The following CUL3 variants were observed in gnomAD, a reference collection of about 807,000 sequenced individuals.
CUL3 encodes the protein cullin-3.
In CUL3, 19 loss-of-function variants were observed where a neutral mutation model predicts 89.1. That is an observed-to-expected ratio of 0.21 (90% CI 0.15 to 0.31). The LOEUF is 0.31. CUL3 is among the 10% of genes least tolerant of loss of function. The pLI is 1.00. For synonymous variants in CUL3, 351 were observed against 308.4 expected, an observed-to-expected ratio of 1.14 and a Z score of -1.45; for missense variants, 469 against 942.3, an observed-to-expected ratio of 0.50 and a Z score of 6.58.
chr2:224,558,454 C>T (rs907936564), intron 1 of CUL3, among the ~76,000 whole-genome samples: 11 of 152,128 alleles, frequency 7.2e-5, no homozygotes, highest in Admixed American at 3.9e-4. Context: ...ATAAAAACAA[C>T]CCGATGAGAC....
rs2106205568 is a variant in CUL3, at chr2:224,506,853, C to T, written c.1029+5G>A. On this transcript the variant is annotated splice_donor_5th_base_variant and intron_variant, in intron 7 of 15. Transcript: ENST00000264414. ...AAACACAGAGAATCTTCTGGGTTTA[C>T]TTACCTGGATATAGTCAACAGGATT... The T allele has an allele frequency of 6.2e-7, 1 of 1,610,444 alleles. No individual in the cohort carries two copies. Among genetic ancestry groups the T allele is most frequent in the Non-Finnish European group, 8.5e-7 (1 of 1,178,842 alleles).
intron 2 of CUL3, among the ~76,000 whole-genome samples, chr2:224,550,025 A>C (rs572105050): frequency 5.3e-5 from 8 of 152,140 alleles, no homozygotes; most frequent in Non-Finnish European, 1.2e-4. Flanking sequence ...TCCTCAATGT[A>C]TCTGAACACG....
intron 1 of CUL3, among the ~76,000 whole-genome samples, chr2:224,568,306 G>T (rs1173913007): frequency 6.6e-6 from 1 of 152,156 alleles, no homozygotes; most frequent in Non-Finnish European, 1.5e-5. Context: ...ATAACTACTA[G>T]TGACAGTTTG....
chr2:224,581,494 A>G (rs1462517973), intron 1 of CUL3, among the ~76,000 whole-genome samples: 1 of 150,642 alleles, frequency 6.6e-6, no homozygotes, highest in Admixed American at 6.6e-5. Context: ...TTAAACATAT[A>G]TAATTTTTCT....
chr2:224,556,882 A>G (rs2106302497), intron 2 of CUL3, among the ~76,000 whole-genome samples: 1 of 152,240 alleles, frequency 6.6e-6, no homozygotes, highest in Non-Finnish European at 1.5e-5. Flanking sequence ...AATGTAAACA[A>G]CTGGTGAATC....
At chr2:224,496,020 T>C (rs1692156669) in intron 12 of CUL3, 54 bp from the exon 13 acceptor site, 6 of 1,579,814 alleles carry the variant, frequency 3.8e-6, no homozygotes, top group South Asian at 1.1e-5. Context: ...CCTGGTAACA[T>C]TAATGTATGT....
chr2:224,488,832 T>A (rs957835107), intron 13 of CUL3, among the ~76,000 whole-genome samples: 1 of 152,144 alleles, frequency 6.6e-6, no homozygotes, highest in Non-Finnish European at 1.5e-5. Flanking sequence ...CAGGCCAGTA[T>A]CCCTGAGGAA....
In CUL3 at chr2:224,471,821, G is replaced by A. The variant is rs886055687; in HGVS notation, c.*2424C>T. 4.4e-6 allele frequency: 1 copy of A among 228,986 alleles called. No homozygotes were observed. Among genetic ancestry groups the A allele is most frequent in the East Asian group, 6.3e-5 (1 of 15,856 alleles). The allele number at this position is 228,986 out of a possible 1,614,324, so 14.2% of individuals were successfully genotyped here. On this transcript the variant is annotated 3_prime_UTR_variant, in exon 16 of 16. Transcript: ENST00000264414. ...ATTACACTTTAACAGTTACTGAAGAGATGACATGATTTTTGCAGTTGAAAA... is the reference window on the plus strand; with the variant it reads ...ATTACACTTTAACAGTTACTGAAGAAATGACATGATTTTTGCAGTTGAAAA...
At chr2:224,576,311 T>C (rs1305907971) in intron 1 of CUL3, among the ~76,000 whole-genome samples, 1 of 152,136 alleles carries the variant, frequency 6.6e-6, no homozygotes, top group African/African-American at 2.4e-5. Flanking sequence ...CCACAGCTAG[T>C]AAACAGAAAG....
chr2:224,470,771 T>G lies in CUL3; in HGVS notation c.*3474A>C, dbSNP rs1473879349. 1.3e-5 allele frequency: 3 copies of G among 231,690 alleles called. No homozygotes were observed. The highest frequency in any genetic ancestry group is 1.7e-5 in the Non-Finnish European group (2 of 117,166). The allele number at this position is 231,690 out of a possible 1,614,324, so 14.4% of individuals were successfully genotyped here. A position where few individuals can be genotyped will look rare whatever the true frequency, so the allele number is the denominator to read the frequency against. On this transcript the variant is annotated 3_prime_UTR_variant, in exon 16 of 16. Transcript: ENST00000264414. The stretch of plus-strand genomic sequence containing the variant: ...AAATAATGTAAAGCTAACAAAAATG[T>G]GCAAAATTCCATATTGCAATGCTTC...
chr2:224,499,869 A>C (rs1228470746), intron 11 of CUL3: 10 of 168,306 alleles, frequency 5.9e-5, no homozygotes, highest in Admixed American at 1.2e-4. Context: ...TCAGCAGCCC[A>C]AAAAAAATAT....
chr2:224,515,538 T>C (rs1460951776), intron 3 of CUL3, among the ~76,000 whole-genome samples: 1 of 152,226 alleles, frequency 6.6e-6, no homozygotes, highest in Non-Finnish European at 1.5e-5. Flanking sequence ...TTAAGTTATA[T>C]GTTTGTTCAC....
chr2:224,538,391 T>A (rs1693970376), intron 2 of CUL3, among the ~76,000 whole-genome samples: 1 of 152,168 alleles, frequency 6.6e-6, no homozygotes, highest in Admixed American at 6.6e-5. Flanking sequence ...AGTTGGCACA[T>A]AAACTACACA....
chr2:224,496,040 C>G (rs577925501), intron 12 of CUL3, 74 bp from the exon 13 acceptor site: 1 of 1,497,620 alleles, frequency 6.7e-7, no homozygotes, highest in African/African-American at 1.4e-5. Flanking sequence ...TATGTACGTA[C>G]ATATGTATGT....
chr2:224,536,993 C>G (rs1474013467), intron 2 of CUL3, among the ~76,000 whole-genome samples: 1 of 152,152 alleles, frequency 6.6e-6, no homozygotes, highest in African/African-American at 2.4e-5. Context: ...CTACACTAAA[C>G]AAAACTTTTT....
Position 224,474,358 on chromosome 2 carries a change from C to T in CUL3, c.2194G>A (p.Ala732Thr), listed in dbSNP as rs1467629256. 6.2e-7 allele frequency: 1 copy of T among 1,612,412 alleles called. No homozygotes were observed. Among genetic ancestry groups the T allele is most frequent in the South Asian group, 1.1e-5 (1 of 90,720 alleles). Residue 732 changes from alanine (A) to threonine (T), a missense_variant, in exon 16 of 16, where the codon GCG becomes ACG. By Grantham distance (58) the Ala-to-Thr change is moderately conservative. Transcript: ENST00000264414. ...LVAEVTQQLK[A>T]RFLPSPVVIK... ...ACAACTGGACTTGGTAAGAATCGCG[C>T]CTTCAACTGCTGAGTTACCTAAAAA...
At chr2:224,509,853 G>T (rs1692748975) in intron 6 of CUL3, among the ~76,000 whole-genome samples, 1 of 152,198 alleles carries the variant, frequency 6.6e-6, no homozygotes, top group Non-Finnish European at 1.5e-5. Context: ...TTTGCATAAA[G>T]TCCCAGTCTA....
intron 2 of CUL3, among the ~76,000 whole-genome samples, chr2:224,543,715 C>T (rs577175157): frequency 2.0e-5 from 3 of 152,286 alleles, no homozygotes; most frequent in Non-Finnish European, 2.9e-5. Context: ...GGTGTGGCGG[C>T]TCAATGCCTA....
At position 224,506,892 on chromosome 2, in the gene CUL3, T is replaced by C. The variant is rs1182262511; in HGVS notation, c.995A>G (p.Glu332Gly). 3 of 1,613,666 alleles carry C rather than the reference T, an allele frequency of 1.9e-6. No individual in the cohort carries two copies. Among genetic ancestry groups the C allele is most frequent in the Non-Finnish European group, 8.5e-7 (1 of 1,179,754 alleles). Reference protein sequence around the residue: ...REQGKALVSEEGEGKNPVDYI... With the variant: ...REQGKALVSEGGEGKNPVDYI... ...GTCAACAGGATTCTTTCCTTCTCCTTCTTCAGAAACAAGAGCTTTACCTTG... is the reference window on the plus strand; with the variant it reads ...GTCAACAGGATTCTTTCCTTCTCCTCCTTCAGAAACAAGAGCTTTACCTTG... The change falls in exon 7 of 16, where the codon GAA becomes GGA. Residue 332 changes from glutamate (E) to glycine (G), a missense_variant. Glu to Gly is a moderately conservative substitution (Grantham distance 98, BLOSUM62 -2). This residue lies in a region of CUL3 where 370 missense variants were observed against 733.2 expected (regional missense o/e 0.50). Transcript: ENST00000264414.
Sources: gnomAD v4.1 joint callset for allele counts (sites outside exome capture counted in the v4.1 genomes callset) on GRCh38, gnomAD v4.1.1 for gene constraint, gnomAD v4.1.1 regional missense constraint, MANE v1.5 for transcripts, NCBI Gene and HGNC (gene_info 2026-07-23, HGNC 2026-07-21) for gene names.